IQCK: variants seen among roughly 807,000 people sequenced by gnomAD.
IQCK encodes IQ motif containing K.
Under a neutral mutation model 28.1 loss-of-function variants are expected in IQCK, and 29 were observed. The ratio of observed to expected loss-of-function variants is 1.03; its 90% CI spans 0.77 to 1.41. The LOEUF is 1.41. Ranked by LOEUF, IQCK falls within the 40% of genes most tolerant of loss-of-function variation. IQCK has a pLI of 0.00. For missense variants in IQCK, 359 were observed against 314.7 expected, an observed-to-expected ratio of 1.14 and a Z score of -1.07; for synonymous variants, 113 against 115.1, an observed-to-expected ratio of 0.98 and a Z score of 0.12.
intron 4 of IQCK, among the ~76,000 whole-genome samples, chr16:19,745,799 G>T (rs1018683321): frequency 1.3e-5 from 2 of 151,498 alleles, no homozygotes; most frequent in Admixed American, 1.3e-4. Context: ...TGGGTTGGAA[G>T]GTCCAATTCT....
At chr16:19,760,398 A>G (rs1246249247) in intron 4 of IQCK, among the ~76,000 whole-genome samples, 1 of 152,186 alleles carries the variant, frequency 6.6e-6, no homozygotes, top group Admixed American at 6.5e-5. Flanking sequence ...AGGATCTGCC[A>G]CTGTTTGTCT....
At chr16:19,811,008 G>A (rs1171488111) in intron 7 of IQCK, among the ~76,000 whole-genome samples, 1 of 152,202 alleles carries the variant, frequency 6.6e-6, no homozygotes. Context: ...TACGGTCTGG[G>A]TACAGTGGCT....
chr16:19,809,000 G>A (rs144104422), intron 7 of IQCK, among the ~76,000 whole-genome samples: 1,988 of 152,322 alleles, frequency 0.013, 37 homozygotes, highest in African/African-American at 0.045. Context: ...CTGGATTACA[G>A]GCATGCGCCA....
chr16:19,747,492 T>C (rs1333969010), intron 4 of IQCK, among the ~76,000 whole-genome samples: 1 of 139,818 alleles, frequency 7.2e-6, no homozygotes, highest in African/African-American at 2.7e-5. Context: ...AATAGATTCC[T>C]TTTTTTTTTT....
chr16:19,736,064 C>CA (rs759203259), intron 4 of IQCK: 128 of 410,994 alleles, frequency 3.1e-4, no homozygotes, highest in Middle Eastern at 6.9e-4. Context: ...ACCCTCAACT[C>CA]AAAAAAAAAA....
chr16:19,719,555 A>G (rs1433006397), intron 1 of IQCK, among the ~76,000 whole-genome samples: 4 of 150,450 alleles, frequency 2.7e-5, no homozygotes, highest in Admixed American at 6.6e-5. Flanking sequence ...GCGCCACTGC[A>G]CTCCAGCCTG....
At chr16:19,789,311 G>A (rs1466325267) in intron 7 of IQCK, 1 of 62,286 alleles carries the variant, frequency 1.6e-5, no homozygotes, top group Non-Finnish European at 2.7e-5. Context: ...GTTGGGAGGC[G>A]GAGGTGGGAG....
intron 6 of IQCK, among the ~76,000 whole-genome samples, chr16:19,769,564 C>T (rs1008577896): frequency 1.2e-4 from 19 of 152,292 alleles, no homozygotes; most frequent in East Asian, 9.6e-4. Context: ...AAACCAGCAT[C>T]GCTAGCTCCT....
intron 7 of IQCK, among the ~76,000 whole-genome samples, chr16:19,810,889 A>G (rs1352902337): frequency 6.6e-6 from 1 of 152,214 alleles, no homozygotes; most frequent in Admixed American, 6.5e-5. Context: ...AATATGTATA[A>G]AAGTCTTAAA....
At chr16:19,767,647 C>T (rs1451575180) in intron 6 of IQCK, among the ~76,000 whole-genome samples, 7 of 152,074 alleles carry the variant, frequency 4.6e-5, no homozygotes, top group African/African-American at 1.4e-4. Flanking sequence ...GCTAGGGTCT[C>T]GGGCTTTTAT....
At chr16:19,804,592 T>C (rs1232956448) in intron 7 of IQCK, among the ~76,000 whole-genome samples, 5 of 151,948 alleles carry the variant, frequency 3.3e-5, no homozygotes, top group Non-Finnish European at 5.9e-5. Context: ...TGTGAGCTAC[T>C]ACACCAGCTG....
chr16:19,831,579 A>G (rs946815729), downstream of IQCK, among the ~76,000 whole-genome samples: 1 of 152,122 alleles, frequency 6.6e-6, no homozygotes, highest in African/African-American at 2.4e-5. Flanking sequence ...AATGGATGTT[A>G]AGCACATGCT....
intron 6 of IQCK, among the ~76,000 whole-genome samples, chr16:19,779,389 A>G (rs1261209049): frequency 2.0e-5 from 3 of 152,234 alleles, no homozygotes; most frequent in Non-Finnish European, 2.9e-5. Context: ...AGGCCTGAGC[A>G]ACTGGCTGAA....
chr16:19,720,511 G>T (rs942875902), intron 1 of IQCK, among the ~76,000 whole-genome samples: 1 of 152,230 alleles, frequency 6.6e-6, no homozygotes, highest in East Asian at 1.9e-4. Context: ...GACCAAGTAA[G>T]ATAATGTATG....
intron 1 of IQCK, among the ~76,000 whole-genome samples, chr16:19,723,688 T>A (rs971129662): frequency 6.6e-6 from 1 of 152,102 alleles, no homozygotes; most frequent in East Asian, 1.9e-4. Flanking sequence ...GCGTGGTAGC[T>A]CAAGCCTGTA....
chr16:19,718,613 C>T, intron 1 of IQCK, 126 bp downstream of exon 1: 1 of 845,512 alleles, frequency 1.2e-6, no homozygotes, highest in African/African-American at 1.8e-5. Flanking sequence ...CTCCGCGGGC[C>T]CGGGCTCCGC....
intron 6 of IQCK, among the ~76,000 whole-genome samples, chr16:19,773,071 T>G (rs564198549): frequency 6.6e-6 from 1 of 152,246 alleles, no homozygotes; most frequent in South Asian, 2.1e-4. Flanking sequence ...CACTTGATAG[T>G]GTAGGAGATG....
At chr16:19,850,379 A>C (rs1178586372) in intron 9 of IQCK, among the ~76,000 whole-genome samples, 1 of 152,226 alleles carries the variant, frequency 6.6e-6, no homozygotes, top group African/African-American at 2.4e-5. Context: ...CACTTAGCTC[A>C]CTATGACTTC....
Position 19,726,932 on chromosome 16 carries a change from G to A in IQCK, c.182-3498G>A, listed in dbSNP as rs560919516. ...GCAGATCACTTGAGATCAGGAGTTCGAGACCAGCCTGGCCAACATGATGAA... is the reference window on the plus strand; with the variant it reads ...GCAGATCACTTGAGATCAGGAGTTCAAGACCAGCCTGGCCAACATGATGAA... On this transcript the variant is annotated intron_variant, in intron 1 of 7. Transcript: ENST00000564186. Among the ~76,000 whole-genome samples the A allele has an allele frequency of 2.6e-5, 4 of 152,108 alleles. No homozygotes were observed. In the East Asian group the frequency reaches 5.8e-4, roughly 22 times the overall value.
Sources: allele counts gnomAD v4.1 joint callset (sites outside exome capture counted in the v4.1 genomes callset), GRCh38; gene constraint gnomAD v4.1.1; transcripts MANE v1.5; gene names NCBI Gene and HGNC (gene_info 2026-07-23, HGNC 2026-07-21).